Variants in DROSHA observed in about 807,000 individuals in gnomAD.
DROSHA encodes the protein ribonuclease 3.
Under a neutral mutation model 181.9 loss-of-function variants are expected in DROSHA, and 56 were observed. The observed-to-expected ratio is 0.31, with a 90% CI of 0.25 to 0.38. The LOEUF (loss-of-function observed/expected upper bound fraction) is 0.38, where lower values mean the gene tolerates loss of function less well. Ranked by LOEUF, DROSHA falls within the 10% of genes least tolerant of loss-of-function variation. DROSHA has a pLI of 1.00. For synonymous variants in DROSHA, 524 were observed against 591.2 expected (o/e 0.89, Z 1.65); for missense variants, 1,218 against 1,743.5 (o/e 0.70, Z 5.37).
chr5:31,406,631 T>A (rs1056589460), intron 34 of DROSHA, among the ~76,000 whole-genome samples: 1 of 152,306 alleles, frequency 6.6e-6, no homozygotes, highest in Admixed American at 6.5e-5. Flanking sequence ...TTTCTCAAGA[T>A]AGCTAAAGCC....
At chr5:31,444,112 G>A (rs1030220) in intron 23 of DROSHA, among the ~76,000 whole-genome samples, 62,813 of 152,072 alleles carry the variant, frequency 0.41, 15,434 homozygotes, top group Non-Finnish European at 0.56. Context: ...TTACAATGAC[G>A]ATCAGCACAC....
At chr5:31,509,551 GGCAA>G (rs1465920686) in intron 9 of DROSHA, among the ~76,000 whole-genome samples, 1 of 152,180 alleles carries the variant, frequency 6.6e-6, no homozygotes, top group Non-Finnish European at 1.5e-5. Context: ...GAGCATCGTA[GGCAA>G]AAGCGTGGAG....
chr5:31,515,477 G>A lies in DROSHA; in HGVS notation c.1035C>T (p.Ala345=), dbSNP rs754057081. Reference sequence around the variant, plus strand: ...ACTGATTCACAATCTCCAGGGGTGGGGCCCAAGAATCTGTATTTTTAATAA... The same window carrying A: ...ACTGATTCACAATCTCCAGGGGTGGAGCCCAAGAATCTGTATTTTTAATAA... ...GEIIKNTDSW[A]PPLEIVNHRS... is the part of the protein sequence containing the mutation. Residue 345 remains alanine (A), a synonymous_variant, in exon 7 of 36, where the codon GCC becomes GCT. Transcript: ENST00000344624. The A allele has an allele frequency of 1.7e-5, 24 of 1,428,300 alleles. No individual in the cohort carries two copies. The East Asian group carries it at 1.7e-4, about 10-fold the overall frequency. The allele number at this position is 1,428,300 out of a possible 1,614,324, so 88.5% of individuals were successfully genotyped here. A position where few individuals can be genotyped will look rare whatever the true frequency, so the allele number is the denominator to read the frequency against.
rs1396063384 is a variant in DROSHA at position 31,410,797 on chromosome 5, T to A, written c.3616A>T (p.Thr1206Ser). 2.5e-6 allele frequency: 4 copies of A among 1,613,874 alleles called. No homozygotes were observed. In the Admixed American group the frequency reaches 6.7e-5, roughly 27 times the overall value. Residue 1206 changes from threonine (T) to serine (S), a missense_variant, in exon 31 of 36, where the codon ACC becomes TCC. Thr to Ser is a moderately conservative substitution (Grantham distance 58, BLOSUM62 1). Around this residue, in one of 8 missense-constraint regions of DROSHA, gnomAD observed 47 missense variants for 70.6 expected, o/e 0.67. Coordinates refer to ENST00000344624, the MANE Select transcript of DROSHA (RefSeq NM_001382508.1). ...GTGCGAAGCGCCACAGGCCTCTTGGTCTTGTCGTTGGTTATGGCGTACTCC... is the reference window on the plus strand; with the variant it reads ...GTGCGAAGCGCCACAGGCCTCTTGGACTTGTCGTTGGTTATGGCGTACTCC... ...MQEYAITNDK[T>S]KRPVALRTKT... is the part of the protein sequence containing the mutation.
At chr5:31,463,258 C>G (rs190567989) in intron 20 of DROSHA, among the ~76,000 whole-genome samples, 1 of 152,270 alleles carries the variant, frequency 6.6e-6, no homozygotes, top group East Asian at 1.9e-4. Flanking sequence ...ACACCAATAG[C>G]AGTTCATCTT....
At chr5:31,429,963 C>T (rs942234647) in intron 26 of DROSHA, among the ~76,000 whole-genome samples, 2 of 152,060 alleles carry the variant, frequency 1.3e-5, no homozygotes, top group African/African-American at 4.8e-5. Context: ...ATAGACAAAA[C>T]CCGAGTCTAG....
chr5:31,423,845 C>T (rs1227325289), intron 28 of DROSHA, among the ~76,000 whole-genome samples: 1 of 152,042 alleles, frequency 6.6e-6, no homozygotes, highest in Non-Finnish European at 1.5e-5. Flanking sequence ...AGTAAGAATT[C>T]TTAAACCATC....
Position 31,409,613 on chromosome 5 carries a change from A to G in DROSHA, c.3668-281T>C, listed in dbSNP as rs1283606422. On this transcript the variant is annotated intron_variant, in intron 31 of 35. Transcript: ENST00000344624. This position sits in a 1 kb window ranked among gnomAD's most constrained non-coding sequence, Gnocchi z 4.0. ...GGTACACAGAATGCCGCTGTATATCAGGGAAAAAATGCTGAGCACCCAACC... is the reference window on the plus strand; with the variant it reads ...GGTACACAGAATGCCGCTGTATATCGGGGAAAAAATGCTGAGCACCCAACC... The G allele has an allele frequency of 5.5e-6, 2 of 360,378 alleles. No homozygotes were observed. Among genetic ancestry groups the G allele is most frequent in the Non-Finnish European group, 1.0e-5 (2 of 194,904 alleles). 22.3% of individuals were successfully genotyped at this position (360,378 alleles called of 1,614,324 possible). A position where few individuals can be genotyped will look rare whatever the true frequency, so the allele number is the denominator to read the frequency against.
intron 11 of DROSHA, among the ~76,000 whole-genome samples, chr5:31,496,661 A>G (rs898801287): frequency 8.5e-5 from 13 of 152,358 alleles, no homozygotes; most frequent in Middle Eastern, 3.4e-3. Flanking sequence ...GGACAGGGAC[A>G]GCTTATGGCT....
At position 31,412,233 on chromosome 5, in the gene DROSHA, A is replaced by G. The variant is rs145939746; in HGVS notation, c.3526-1346T>C. The stretch of plus-strand genomic sequence containing the variant: ...GGAACTCACCAAACAAAAATGGAAC[A>G]TAATCATCCCTGATCTCTAAGATTT... On this transcript the variant is annotated intron_variant, in intron 30 of 35. Transcript: ENST00000344624. Among the ~76,000 whole-genome samples the G allele has an allele frequency of 1.5e-3, 235 of 152,346 alleles. 1 individual carries two copies. Among genetic ancestry groups the G allele is most frequent in the African/African-American group, 5.2e-3 (217 of 41,576 alleles).
chr5:31,504,409 C>T (rs1737664390), intron 11 of DROSHA, 146 bp downstream of exon 11: 1 of 900,894 alleles, frequency 1.1e-6, no homozygotes, highest in Non-Finnish European at 1.6e-6. Flanking sequence ...CAAGTGCTTT[C>T]CTCTGCAATT....
Position 31,497,866 on chromosome 5 carries a change from C to A in DROSHA, c.1669-2494G>T, listed in dbSNP as rs369495937. On this transcript the variant is annotated intron_variant, in intron 11 of 35. Coordinates refer to ENST00000344624, the MANE Select transcript of DROSHA (RefSeq NM_001382508.1). ...TCTTAGTCACCAACTGATGCTCAAG[C>A]AGTTTATTCTGCTTATTCTCTTACA... is the stretch of plus-strand genomic sequence containing the variant. Among the ~76,000 whole-genome samples the A allele has an allele frequency of 2.4e-3, 369 of 152,314 alleles. 3 individuals are homozygous for A. In the South Asian group the frequency reaches 0.036, roughly 15 times the overall value.
chr5:31,434,114 A>G (rs1411058437), intron 25 of DROSHA, among the ~76,000 whole-genome samples: 1 of 152,252 alleles, frequency 6.6e-6, no homozygotes, highest in African/African-American at 2.4e-5. Context: ...AGAAGACCAC[A>G]TAGAAATCCC....
At chr5:31,522,266 C>T (rs189107191) in intron 5 of DROSHA, among the ~76,000 whole-genome samples, 3 of 152,284 alleles carry the variant, frequency 2.0e-5, no homozygotes, top group East Asian at 3.9e-4. Context: ...TTGGATTCTA[C>T]ATTCTTCATC....
chr5:31,504,424 G>C (rs1337533278), intron 11 of DROSHA, 131 bp downstream of exon 11: 15 of 1,018,664 alleles, frequency 1.5e-5, no homozygotes, highest in Non-Finnish European at 1.8e-5. Flanking sequence ...GCAATTATCA[G>C]TAAGAGACTA....
At chr5:31,415,992 C>T (rs1013061087) in intron 30 of DROSHA, among the ~76,000 whole-genome samples, 1 of 152,216 alleles carries the variant, frequency 6.6e-6, no homozygotes, top group Non-Finnish European at 1.5e-5. Context: ...CACTCCTTCC[C>T]GAGTAGGCCT....
intron 25 of DROSHA, 36 bp downstream of exon 25, chr5:31,435,729 A>C (rs746361298): frequency 5.7e-6 from 9 of 1,588,020 alleles, no homozygotes; most frequent in Non-Finnish European, 7.8e-6. Flanking sequence ...AGAGCATGTC[A>C]GACGTAACTA....
At chr5:31,417,734 G>A (rs1201784942) in intron 30 of DROSHA, among the ~76,000 whole-genome samples, 3 of 152,210 alleles carry the variant, frequency 2.0e-5, no homozygotes, top group African/African-American at 4.8e-5. Context: ...ATGTTAAGAG[G>A]TGGAGAGAGG....
At position 31,411,294 on chromosome 5, in the gene DROSHA, C is replaced by A. The variant is rs1208847949; in HGVS notation, c.3526-407G>T. On this transcript the variant is annotated intron_variant, in intron 30 of 35. Transcript: ENST00000344624. The surrounding 1 kb of genome is among the most constrained non-coding windows in gnomAD (Gnocchi z 4.2). ...GTAACTTACATTCAATAAAATGCACCCATTTTCAGTGCACAGTTAGATGAG... is the reference window on the plus strand; with the variant it reads ...GTAACTTACATTCAATAAAATGCACACATTTTCAGTGCACAGTTAGATGAG... Among the ~76,000 whole-genome samples the A allele has an allele frequency of 1.3e-5, 2 of 152,088 alleles. No individual in the cohort carries two copies. The highest frequency in any genetic ancestry group is 4.8e-5 in the African/African-American group (2 of 41,416).
Sources: gnomAD v4.1 joint callset for allele counts (sites outside exome capture counted in the v4.1 genomes callset) on GRCh38, gnomAD v4.1.1 for gene constraint, gnomAD v4.1.1 regional missense constraint, Gnocchi (gnomAD v3.1) non-coding constraint, MANE v1.5 for transcripts, NCBI Gene and HGNC (gene_info 2026-07-23, HGNC 2026-07-21) for gene names.